The following DCHS1 variants were observed in gnomAD, a reference collection of about 807,000 sequenced individuals.
DCHS1 encodes the protein dachsous cadherin-related 1.
In DCHS1, 78 loss-of-function variants were observed where a neutral mutation model predicts 213.9. That is an observed-to-expected ratio of 0.36 (90% CI 0.30 to 0.44). The LOEUF (loss-of-function observed/expected upper bound fraction) is 0.44. Ranked by LOEUF, DCHS1 falls within the 20% of genes least tolerant of loss-of-function variation. The probability of loss-of-function intolerance (pLI) is 1.00; values close to 1 mark genes in which losing one functional copy is unlikely to be tolerated. For missense variants in DCHS1, 3,946 were observed against 4,395.9 expected (o/e 0.90, Z 2.89); for synonymous variants, 1,828 against 1,873.7 (o/e 0.98, Z 0.63).
At chr11:6,643,560 T>C (rs1381905794) in intron 1 of DCHS1, among the ~76,000 whole-genome samples, 1 of 152,126 alleles carries the variant, frequency 6.6e-6, no homozygotes, top group Admixed American at 6.6e-5. Context: ...TGCCCACTCC[T>C]CTGTCTCCTT....
In DCHS1 at chr11:6,631,419, C is replaced by T. The variant is rs748872000; in HGVS notation, c.3676-12G>A. ...ACGCGGTCTGGTACCTGTGGGAACA[C>T]AACTCACCTAGTGAGTCTCTTTCCT... On this transcript the variant is annotated splice_polypyrimidine_tract_variant and intron_variant, in intron 7 of 20. Transcript: ENST00000299441. The T allele has an allele frequency of 1.9e-6, 3 of 1,613,832 alleles. No individual in the cohort carries two copies. Among genetic ancestry groups the T allele is most frequent in the East Asian group, 2.2e-5 (1 of 44,888 alleles).
At position 6,622,502 on chromosome 11, in the gene DCHS1, G is replaced by A. The variant is rs1855713060; in HGVS notation, c.9174C>T (p.Ser3058=). 1 of 1,576,082 alleles carries A rather than the reference G, an allele frequency of 6.3e-7. No individual in the cohort carries two copies. Among genetic ancestry groups the A allele is most frequent in the Non-Finnish European group, 8.6e-7 (1 of 1,161,194 alleles). Residue 3058 remains serine, a synonymous_variant, in exon 21 of 21, where the codon TCC becomes TCT. Coordinates refer to ENST00000299441, the MANE Select transcript of DCHS1 (RefSeq NM_003737.4). The surrounding 1 kb of genome is among the most constrained non-coding windows in gnomAD (Gnocchi z 5.4). ...AGTCAGGGCCACGGGCAGCCAGAGA[G>A]GAGGCCACACTGGCCACACGGGGGA... ...NEFPRVASVA[S]SLAARGPDSG... is the part of the protein sequence containing the mutation.
chr11:6,642,629 T>A (rs1375530214), intron 1 of DCHS1, among the ~76,000 whole-genome samples: 1 of 3,798 alleles, frequency 2.6e-4, no homozygotes, highest in African/African-American at 1.4e-3. Flanking sequence ...TGTCTGAGGG[T>A]GGGGTGGGGT....
At chr11:6,637,847 G>A (rs1158105904) in intron 2 of DCHS1, among the ~76,000 whole-genome samples, 2 of 151,926 alleles carry the variant, frequency 1.3e-5, no homozygotes, top group Admixed American at 6.6e-5. Flanking sequence ...ACTGTATTCC[G>A]TGTCTCTAAT....
Position 6,624,096 on chromosome 11 carries a change from C to G in DCHS1, c.7580G>C (p.Trp2527Ser), listed in dbSNP as rs779207002. The G allele has an allele frequency of 1.2e-6, 2 of 1,612,194 alleles. No individual in the cohort carries two copies. Residue 2527 changes from tryptophan (W) to serine (S), a missense_variant, in exon 21 of 21, where the codon TGG (tryptophan) becomes TCG (serine). Coordinates refer to ENST00000299441, the MANE Select transcript of DCHS1 (RefSeq NM_003737.4). ...GGGTTCCAGCTGGAAGACTCGGCCCCAGTTGCCACTGATGATGCTGTAGTC... is the reference window on the plus strand; with the variant it reads ...GGGTTCCAGCTGGAAGACTCGGCCCGAGTTGCCACTGATGATGCTGTAGTC... Reference protein sequence around the residue: ...AVDYSIISGNWGRVFQLEPRL... With the variant: ...AVDYSIISGNSGRVFQLEPRL...
chr11:6,633,448 T>C lies in DCHS1; in HGVS notation c.2419A>G (p.Thr807Ala). 1 of 1,566,134 alleles carries C rather than the reference T, an allele frequency of 6.4e-7. No individual in the cohort carries two copies. Among genetic ancestry groups the C allele is most frequent in the South Asian group, 1.2e-5 (1 of 84,984 alleles). The change falls in exon 5 of 21, where the codon ACC becomes GCC. Residue 807 changes from threonine (T) to alanine (A), a missense_variant. Coordinates refer to ENST00000299441, the MANE Select transcript of DCHS1 (RefSeq NM_003737.4). ...FSVPEDVAPG[T>A]SVGIVQAHNP... Reference sequence around the variant, plus strand: ...TGTGCCTGGACTATGCCCACACTGGTGCCTGGTGCCACATCCTCTGGCACA... The same window carrying C: ...TGTGCCTGGACTATGCCCACACTGGCGCCTGGTGCCACATCCTCTGGCACA...
rs1589954897 is a variant in DCHS1, at chr11:6,628,109, G to A, written c.5372-442C>T. Among the ~76,000 whole-genome samples the A allele has an allele frequency of 6.6e-6, 1 of 152,192 alleles. No homozygotes were observed. Among genetic ancestry groups the A allele is most frequent in the Non-Finnish European group, 1.5e-5 (1 of 68,034 alleles). ...TGTCTTCAGAGATTCAGTTTGTTCT[G>A]GCTATCTTCAATTATACCTGCTTTA... is the stretch of plus-strand genomic sequence containing the variant. On this transcript the variant is annotated intron_variant, in intron 13 of 20. Coordinates refer to ENST00000299441, the MANE Select transcript of DCHS1 (RefSeq NM_003737.4). The surrounding 1 kb of genome is among the most constrained non-coding windows in gnomAD (Gnocchi z 4.3).
chr11:6,621,565 C>T lies in DCHS1; in HGVS notation c.*214G>A. On this transcript the variant is annotated 3_prime_UTR_variant, in exon 21 of 21. Coordinates refer to ENST00000299441, the MANE Select transcript of DCHS1 (RefSeq NM_003737.4). Reference sequence around the variant, plus strand: ...GGCTGCTACCTCCTTCATATTTCTCCCCACATTGGACCTGGTCACAGGTCA... The same window carrying T: ...GGCTGCTACCTCCTTCATATTTCTCTCCACATTGGACCTGGTCACAGGTCA... 2 of 702,008 alleles carry T rather than the reference C, an allele frequency of 2.8e-6. No homozygotes were observed. Among genetic ancestry groups the T allele is most frequent in the Non-Finnish European group, 5.2e-6 (2 of 388,154 alleles). 43.5% of individuals were successfully genotyped at this position (702,008 alleles called of 1,614,324 possible). A position where few individuals can be genotyped will look rare whatever the true frequency, so the allele number is the denominator to read the frequency against.
Position 6,641,874 on chromosome 11 carries a change from C to T in DCHS1, c.-120-141G>A, listed in dbSNP as rs16916480. On this transcript the variant is annotated intron_variant, in intron 1 of 20. Coordinates refer to ENST00000299441, the MANE Select transcript of DCHS1 (RefSeq NM_003737.4). The surrounding 1 kb of genome is among the most constrained non-coding windows in gnomAD (Gnocchi z 7.1). ...TGCCTCACACTCATCTTGGGCCACACGGATCTCTGCCTCAGGACTCTTCGA... is the reference window on the plus strand; with the variant it reads ...TGCCTCACACTCATCTTGGGCCACATGGATCTCTGCCTCAGGACTCTTCGA... 69,326 of 686,530 alleles carry T rather than the reference C, an allele frequency of 0.1. 4,782 individuals are homozygous for T. Among genetic ancestry groups the T allele is most frequent in the East Asian group, 0.24 (8,243 of 33,868 alleles). 42.5% of individuals were successfully genotyped at this position (686,530 alleles called of 1,614,324 possible).
rs1855850851 is a variant in DCHS1, at chr11:6,628,669, A to T, written c.5323T>A (p.Ser1775Thr). Residue 1775 changes from serine (S) to threonine (T), a missense_variant, in exon 13 of 21, where the codon TCT (serine) becomes ACT (threonine). Coordinates refer to ENST00000299441, the MANE Select transcript of DCHS1 (RefSeq NM_003737.4). The surrounding 1 kb of genome is among the most constrained non-coding windows in gnomAD (Gnocchi z 4.3). ...CCATTGGCTCCCACATCTGGATCAG[A>T]GGCCCGAAGCATGGTAAGGGTCTGG... Reference protein sequence around the residue: ...DPQTLTMLRASDPDVGANGQL... With the variant: ...DPQTLTMLRATDPDVGANGQL... 6.2e-7 allele frequency: 1 copy of T among 1,614,044 alleles called. No individual in the cohort carries two copies. The highest frequency in any genetic ancestry group is 1.1e-5 in the South Asian group (1 of 91,086).
rs146233988 is a variant in DCHS1 at position 6,623,077 on chromosome 11, C to T, written c.8599G>A (p.Ala2867Thr). The T allele has an allele frequency of 6.4e-3, 10,199 of 1,592,756 alleles. 60 individuals are homozygous for T. The highest frequency in any genetic ancestry group is 0.011 in the Middle Eastern group (66 of 6,034). ...PYFGINQTTG[A>T]LYLRVDSRAP... The stretch of plus-strand genomic sequence containing the variant: ...CGACTGTCCACCCGCAGGTACAGGG[C>T]TCCTGTAGTCTGGTTAATACCAAAA... Residue 2867 changes from alanine to threonine, a missense_variant, in exon 21 of 21, where the codon GCC (alanine) becomes ACC (threonine). This residue lies in a region of DCHS1 where 554 missense variants were observed against 590.2 expected (regional missense o/e 0.94). Coordinates refer to ENST00000299441, the MANE Select transcript of DCHS1 (RefSeq NM_003737.4).
chr11:6,629,395 G>A (rs1855863786), intron 12 of DCHS1, 57 bp downstream of exon 12: 2 of 1,593,080 alleles, frequency 1.3e-6, no homozygotes, highest in African/African-American at 1.3e-5. Context: ...TTCTATCCAG[G>A]TAACACTGGT....
In DCHS1 at chr11:6,621,441, G is replaced by A. The variant is rs1855683174; in HGVS notation, c.*338C>T. 3 of 419,434 alleles carry A rather than the reference G, an allele frequency of 7.2e-6. No individual in the cohort carries two copies. The highest frequency in any genetic ancestry group is 1.4e-5 in the Non-Finnish European group (3 of 219,742). 26.0% of individuals were successfully genotyped at this position (419,434 alleles called of 1,614,324 possible). A position where few individuals can be genotyped will look rare whatever the true frequency, so the allele number is the denominator to read the frequency against. On this transcript the variant is annotated 3_prime_UTR_variant, in exon 21 of 21. Transcript: ENST00000299441. Reference sequence around the variant, plus strand: ...AAAGGAGCTGGGTCCAAACATGTTGGAGGGACCTCCTCCATCCCCCTACCC... The same window carrying A: ...AAAGGAGCTGGGTCCAAACATGTTGAAGGGACCTCCTCCATCCCCCTACCC...
Position 6,630,814 on chromosome 11 carries a change from C to G in DCHS1, c.3980G>C (p.Arg1327Pro). The change falls in exon 10 of 21, where the codon CGG (arginine) becomes CCG (proline). Residue 1327 changes from arginine to proline, a missense_variant. Coordinates refer to ENST00000299441, the MANE Select transcript of DCHS1 (RefSeq NM_003737.4). ...LAEPPPDLAE[R>P]DPAAPVPVVL... ...GACAGGCACTGGTGCCGCTGGGTCC[C>G]GCTCTGCGAGATCTGGGGGCGGCTC... 5 of 1,534,574 alleles carry G rather than the reference C, an allele frequency of 3.3e-6. No individual in the cohort carries two copies. Among genetic ancestry groups the G allele is most frequent in the South Asian group, 1.2e-5 (1 of 83,156 alleles).
Position 6,632,940 on chromosome 11 carries a change from C to G in DCHS1, c.2572G>C (p.Gly858Arg). Residue 858 changes from glycine (G) to arginine (R), a missense_variant, in exon 6 of 21, where the codon GGA becomes CGA. Physicochemically the swap from Gly to Arg is moderately radical, Grantham distance 125. Around this residue, in one of 3 missense-constraint regions of DCHS1, gnomAD observed 3,384 missense variants for 3,780.1 expected, o/e 0.90. Coordinates refer to ENST00000299441, the MANE Select transcript of DCHS1 (RefSeq NM_003737.4). This position sits in a 1 kb window ranked among gnomAD's most constrained non-coding sequence, Gnocchi z 5.9. ...CGCACCTCCAGCTCCAACACTGGTC[C>G]CAGTAGCTCCCGGTCCAGAGGGCGA... ...TLRPLDRELLGPVLELEVRAG... is the reference protein window; with the variant it reads ...TLRPLDRELLRPVLELEVRAG... The G allele has an allele frequency of 1.2e-6, 2 of 1,614,052 alleles. No homozygotes were observed. The highest frequency in any genetic ancestry group is 1.7e-6 in the Non-Finnish European group (2 of 1,179,894).
intron 1 of DCHS1, among the ~76,000 whole-genome samples, chr11:6,652,933 T>C (rs1020971829): frequency 1.3e-5 from 2 of 152,190 alleles, no homozygotes; most frequent in Admixed American, 6.5e-5. Context: ...GCCAGTGTTA[T>C]ACCCTCCAGA....
chr11:6,651,903 A>G (rs906952760), intron 1 of DCHS1, among the ~76,000 whole-genome samples: 4 of 152,242 alleles, frequency 2.6e-5, no homozygotes. Context: ...AGTAAAGAGC[A>G]GGCATGCAGC....
At chr11:6,655,472 C>G in intron 1 of DCHS1, 91 bp downstream of exon 1, 4 of 861,982 alleles carry the variant, frequency 4.6e-6, no homozygotes, top group Non-Finnish European at 5.6e-6. Flanking sequence ...CAGAACAAAG[C>G]CCCCGGCTCC....
Position 6,625,854 on chromosome 11 carries a change from T to C in DCHS1, c.6731+66A>G, listed in dbSNP as rs1855789328. On this transcript the variant is annotated intron_variant, in intron 17 of 20. Coordinates refer to ENST00000299441, the MANE Select transcript of DCHS1 (RefSeq NM_003737.4). The surrounding 1 kb of genome is among the most constrained non-coding windows in gnomAD (Gnocchi z 5.3). ...GATGTGGCCAAGGGACCAGATGAGT[T>C]CAAGGCAGGGCTTGAAACTGGACAG... 2 of 1,593,762 alleles carry C rather than the reference T, an allele frequency of 1.3e-6. No individual in the cohort carries two copies. Among genetic ancestry groups the C allele is most frequent in the Non-Finnish European group, 1.7e-6 (2 of 1,170,030 alleles).
Sources: allele counts gnomAD v4.1 joint callset (sites outside exome capture counted in the v4.1 genomes callset), GRCh38; gene constraint gnomAD v4.1.1; regional missense constraint gnomAD v4.1.1; non-coding constraint Gnocchi (gnomAD v3.1); transcripts MANE v1.5; gene names NCBI Gene and HGNC (gene_info 2026-07-23, HGNC 2026-07-21).